Variants in GALNT6 observed in about 807,000 individuals in gnomAD.
The protein encoded by GALNT6 is polypeptide N-acetylgalactosaminyltransferase 6.
In GALNT6, 51 loss-of-function variants were observed where a neutral mutation model predicts 65.9. The observed-to-expected ratio is 0.77, with a 90% CI of 0.62 to 0.98. The LOEUF is 0.98. GALNT6 is among the 50% of genes least tolerant of loss of function. GALNT6 has a pLI of 0.00. For missense variants in GALNT6, 708 were observed against 803.3 expected (o/e 0.88, Z 1.43); for synonymous variants, 323 against 315.1 (o/e 1.02, Z -0.26).
intron 7 of GALNT6, 148 bp from the exon 8 acceptor site, chr12:51,359,480 C>T (rs1454751684): frequency 1.4e-5 from 8 of 571,618 alleles, no homozygotes; most frequent in African/African-American, 3.7e-5. Flanking sequence ...AAAAGGATAC[C>T]GACCAGGCTT....
At chr12:51,367,076 C>A (rs1947131770) in intron 4 of GALNT6, among the ~76,000 whole-genome samples, 1 of 152,122 alleles carries the variant, frequency 6.6e-6, no homozygotes, top group Admixed American at 6.5e-5. Flanking sequence ...CCAGCCTGAC[C>A]AACATGGAGA....
intron 4 of GALNT6, among the ~76,000 whole-genome samples, chr12:51,371,953 C>T (rs1237148684): frequency 1.3e-5 from 2 of 152,118 alleles, no homozygotes; most frequent in African/African-American, 2.4e-5. Context: ...AGATTTCTGA[C>T]CATGGATCTG....
Position 51,354,169 on chromosome 12 carries a change from A to AT in GALNT6, c.*209dup. 2.1e-6 allele frequency: 1 copy of AT among 484,660 alleles called. No homozygotes were observed. Among genetic ancestry groups the AT allele is most frequent in the Non-Finnish European group, 3.6e-6 (1 of 279,388 alleles). The allele number at this position is 484,660 out of a possible 1,614,324, so 30.0% of individuals were successfully genotyped here. ...AGAACAGGAAAACGCTAGGCTAAAT[A>AT]TATGTCCTAATGGTCTCTTCCATCG... On this transcript the variant is annotated 3_prime_UTR_variant, in exon 12 of 12. Coordinates refer to ENST00000356317, the MANE Select transcript of GALNT6 (RefSeq NM_007210.4).
chr12:51,360,587 C>T (rs528776037), intron 7 of GALNT6, 134 bp downstream of exon 7: 21 of 671,938 alleles, frequency 3.1e-5, no homozygotes, highest in Non-Finnish European at 2.7e-6. Context: ...GAGGAAGAGA[C>T]ACACTGGGAA....
rs1266691421 is a variant in GALNT6, at chr12:51,387,497, C to T, written c.-104+3353G>A. 1.3e-5 allele frequency among the ~76,000 whole-genome samples: 2 copies of T among 152,192 alleles called. No individual in the cohort carries two copies. The highest frequency in any genetic ancestry group is 4.8e-5 in the African/African-American group (2 of 41,436). On this transcript the variant is annotated intron_variant, in intron 2 of 11. Coordinates refer to ENST00000356317, the MANE Select transcript of GALNT6 (RefSeq NM_007210.4). The surrounding 1 kb of genome is among the most constrained non-coding windows in gnomAD (Gnocchi z 4.2). ...TCACCACTGTATACCTAGAGCAGCG[C>T]TTGGCATGTGGTAGGCACTTGGTTA...
rs544505398 is a variant in GALNT6, at chr12:51,353,824, A to G, written c.*555T>C. ...GAGTGCAGTGACACAATCAAGGCTC[A>G]CTGTAGCTTCAACCTCCGGGGAACA... On this transcript the variant is annotated 3_prime_UTR_variant, in exon 12 of 12. Transcript: ENST00000356317. 6.6e-6 allele frequency: 1 copy of G among 152,630 alleles called. No individual in the cohort carries two copies. The highest frequency in any genetic ancestry group is 2.4e-5 in the African/African-American group (1 of 41,482). 9.5% of individuals were successfully genotyped at this position (152,630 alleles called of 1,614,324 possible).
At position 51,388,064 on chromosome 12, in the gene GALNT6, C is replaced by T. The variant is rs758626881; in HGVS notation, c.-104+2786G>A. Reference sequence around the variant, plus strand: ...CATTGCTGCCAGAAGCATTGAAGTCCGTGAAACAAGCCAGCCCCTGTCCCA... The same window carrying T: ...CATTGCTGCCAGAAGCATTGAAGTCTGTGAAACAAGCCAGCCCCTGTCCCA... On this transcript the variant is annotated intron_variant, in intron 2 of 11. Coordinates refer to ENST00000356317, the MANE Select transcript of GALNT6 (RefSeq NM_007210.4). Among the ~76,000 whole-genome samples, 87 of 152,260 alleles carry T rather than the reference C, an allele frequency of 5.7e-4. 1 individual carries two copies. Among genetic ancestry groups the T allele is most frequent in the South Asian group, 2.1e-4 (1 of 4,826 alleles).
intron 4 of GALNT6, among the ~76,000 whole-genome samples, chr12:51,376,536 G>A (rs1261440741): frequency 6.6e-6 from 1 of 151,340 alleles, no homozygotes; most frequent in East Asian, 1.9e-4. Flanking sequence ...GGGAGGCTGA[G>A]GCAGGAGAAT....
chr12:51,360,802 G>C lies in GALNT6; in HGVS notation c.1086C>G (p.Ser362=). 2 of 1,613,540 alleles carry C rather than the reference G, an allele frequency of 1.2e-6. No individual in the cohort carries two copies. The highest frequency in any genetic ancestry group is 1.7e-5 in the Admixed American group (1 of 60,006). Residue 362 remains serine, a synonymous_variant, in exon 7 of 12, where the codon TCC becomes TCG. Coordinates refer to ENST00000356317, the MANE Select transcript of GALNT6 (RefSeq NM_007210.4). The part of the protein sequence containing the change: ...PTFAGGLFSI[S]KSYFEHIGTY... ...TACCGATGTGCTCAAAGTAGGACTT[G>C]GAGATGGAGAAGAGGCCACCAGCAA... is the stretch of plus-strand genomic sequence containing the variant.
At chr12:51,367,426 C>T (rs1947144248) in intron 4 of GALNT6, among the ~76,000 whole-genome samples, 1 of 152,300 alleles carries the variant, frequency 6.6e-6, no homozygotes, top group African/African-American at 2.4e-5. Flanking sequence ...CATAGCAAGA[C>T]TTGTCTCAAA....
chr12:51,357,766 A>G (rs1237999654), intron 9 of GALNT6, among the ~76,000 whole-genome samples: 1 of 152,094 alleles, frequency 6.6e-6, no homozygotes, highest in East Asian at 1.9e-4. Flanking sequence ...GTGGTTCTCA[A>G]ATGTGAGCCC....
intron 6 of GALNT6, among the ~76,000 whole-genome samples, chr12:51,361,695 C>T (rs118182237): frequency 6.6e-6 from 1 of 152,130 alleles, no homozygotes; most frequent in African/African-American, 2.4e-5. Context: ...GTTAGGGTAT[C>T]GAAGCGGACC....
intron 4 of GALNT6, among the ~76,000 whole-genome samples, chr12:51,366,284 T>C (rs1425446503): frequency 6.6e-6 from 1 of 152,194 alleles, no homozygotes; most frequent in African/African-American, 2.4e-5. Context: ...TCAGCCACCA[T>C]CTTCCAGAGC....
At chr12:51,378,464 C>A (rs1390921346) in intron 3 of GALNT6, among the ~76,000 whole-genome samples, 1 of 152,104 alleles carries the variant, frequency 6.6e-6, no homozygotes, top group East Asian at 1.9e-4. Flanking sequence ...GCCCCAGTGC[C>A]CTTCTCTGCT....
chr12:51,364,275 C>T lies in GALNT6; in HGVS notation c.895G>A (p.Val299Ile), dbSNP rs568290859. ...DKTVVVSPDI[V>I]TIDLNTFEFA... ...TCAAAAGTATTAAGGTCGATGGTGA[C>T]GATGTCTGGGCTCACCACCACTGTC... The change falls in exon 6 of 12, where the codon GTC becomes ATC. Residue 299 changes from valine (V) to isoleucine (I), a missense_variant. Coordinates refer to ENST00000356317, the MANE Select transcript of GALNT6 (RefSeq NM_007210.4). 8.2e-5 allele frequency: 133 copies of T among 1,614,128 alleles called. No homozygotes were observed. The Middle Eastern group carries it at 4.5e-3, about 54-fold the overall frequency.
At position 51,367,477 on chromosome 12, in the gene GALNT6, C is replaced by T. The variant is rs919432350; in HGVS notation, c.665-1898G>A. ...AGAATAGCTCTATTCTGAAGCAGTC[C>T]ATCTTGAAACATACCGAATTCCAAA... On this transcript the variant is annotated intron_variant, in intron 4 of 11. Coordinates refer to ENST00000356317, the MANE Select transcript of GALNT6 (RefSeq NM_007210.4). Among the ~76,000 whole-genome samples the T allele has an allele frequency of 4.6e-5, 7 of 152,290 alleles. No individual in the cohort carries two copies. In the South Asian group the frequency reaches 6.2e-4, roughly 14 times the overall value.
intron 2 of GALNT6, among the ~76,000 whole-genome samples, chr12:51,381,611 A>G (rs184837603): frequency 7.7e-4 from 117 of 152,306 alleles, no homozygotes; most frequent in African/African-American, 2.7e-3. Context: ...AGTTCCCACA[A>G]AGTGTTAGTT....
chr12:51,374,397 T>G (rs1243682831), intron 4 of GALNT6, among the ~76,000 whole-genome samples: 2 of 152,194 alleles, frequency 1.3e-5, no homozygotes, highest in Non-Finnish European at 2.9e-5. Flanking sequence ...CCTTGCTTTA[T>G]AAGTGCTGCC....
In GALNT6 at chr12:51,390,239, T is replaced by G. The variant is rs540055061; in HGVS notation, c.-104+611A>C. On this transcript the variant is annotated intron_variant, in intron 2 of 11. Transcript: ENST00000356317. ...ATGCAATGGTGCGATCTCAGCTCACTGCAACCTCTGCTTCCCAGGTTCAAA... is the reference window on the plus strand; with the variant it reads ...ATGCAATGGTGCGATCTCAGCTCACGGCAACCTCTGCTTCCCAGGTTCAAA... Among the ~76,000 whole-genome samples the G allele has an allele frequency of 4.1e-5, 6 of 147,018 alleles. No individual in the cohort carries two copies. In the East Asian group the frequency reaches 1.3e-3, roughly 32 times the overall value.
Sources: allele counts gnomAD v4.1 joint callset (sites outside exome capture counted in the v4.1 genomes callset), GRCh38; gene constraint gnomAD v4.1.1; non-coding constraint Gnocchi (gnomAD v3.1); transcripts MANE v1.5; gene names NCBI Gene and HGNC (gene_info 2026-07-23, HGNC 2026-07-21).